SIM1: variants seen among roughly 807,000 people sequenced by gnomAD.
SIM1 encodes the protein single-minded homolog 1.
In SIM1, 18 loss-of-function variants were observed where a neutral mutation model predicts 78.2. The observed-to-expected ratio is 0.23, with a 90% CI of 0.16 to 0.34. SIM1 has a LOEUF of 0.34. Among genes scored for constraint, SIM1 ranks in the 10% least tolerant of loss-of-function variants. The pLI is 1.00. For missense variants in SIM1, 939 were observed against 975.1 expected (o/e 0.96, Z 0.49); for synonymous variants, 417 against 385.2 (o/e 1.08, Z -0.97).
chr6:100,400,795 A>G (rs1291614882), intron 10 of SIM1, among the ~76,000 whole-genome samples: 1 of 152,146 alleles, frequency 6.6e-6, no homozygotes, highest in African/African-American at 2.4e-5. Context: ...CTTACAGTAG[A>G]GTGCCAACTG....
intron 5 of SIM1, 57 bp from the exon 6 acceptor site, chr6:100,449,505 G>C (rs907385269): frequency 6.4e-7 from 1 of 1,572,166 alleles, no homozygotes. Flanking sequence ...GCGTGGGACA[G>C]CACGCGTCTC....
At chr6:100,460,475 T>C (rs184886763) in intron 2 of SIM1, among the ~76,000 whole-genome samples, 1 of 152,370 alleles carries the variant, frequency 6.6e-6, no homozygotes, top group East Asian at 1.9e-4. Context: ...AATAATTATT[T>C]AGATTATATA....
At chr6:100,434,008 G>A (rs1439304910) in intron 9 of SIM1, among the ~76,000 whole-genome samples, 1 of 152,120 alleles carries the variant, frequency 6.6e-6, no homozygotes, top group Non-Finnish European at 1.5e-5. Flanking sequence ...TGATTCTAAT[G>A]ATAGAAATTT....
chr6:100,453,646 G>T, intron 3 of SIM1, 116 bp downstream of exon 3: 1 of 766,852 alleles, frequency 1.3e-6, no homozygotes, highest in Non-Finnish European at 2.1e-6. Flanking sequence ...TGTTTTTGTG[G>T]GGGGGGTTGT....
In SIM1 at chr6:100,390,693, G is replaced by C. The variant is rs750211772; in HGVS notation, c.1969C>G (p.Arg657Gly). The change falls in exon 12 of 12, where the codon CGG (arginine) becomes GGG (glycine). Residue 657 changes from arginine to glycine, a missense_variant. Arg to Gly is a moderately radical substitution (Grantham distance 125). Around this residue, in one of 5 missense-constraint regions of SIM1, gnomAD observed 556 missense variants for 521.9 expected, o/e 1.07. Coordinates refer to ENST00000369208, the MANE Select transcript of SIM1 (RefSeq NM_005068.3). ...CGATCCGAATTGGGACTACTTATCC[G>C]AGATAGTGCGGTGGGACTGTTGTCA... ...DYDNSPTALSRISSPNSDRIS... is the reference protein window; with the variant it reads ...DYDNSPTALSGISSPNSDRIS... The C allele has an allele frequency of 6.2e-7, 1 of 1,613,988 alleles. No individual in the cohort carries two copies. The highest frequency in any genetic ancestry group is 1.3e-5 in the African/African-American group (1 of 74,914).
At chr6:100,427,433 C>T (rs1771764831) in intron 9 of SIM1, among the ~76,000 whole-genome samples, 1 of 152,324 alleles carries the variant, frequency 6.6e-6, no homozygotes, top group African/African-American at 2.4e-5. Flanking sequence ...TTCTTCTCCA[C>T]TTTGAAGGTT....
In SIM1 at chr6:100,385,951, C is replaced by T. The variant is rs1429897235; in HGVS notation, c.*4410G>A. The T allele has an allele frequency of 6.6e-6, 1 of 151,954 alleles. No homozygotes were observed. Among genetic ancestry groups the T allele is most frequent in the Middle Eastern group, 3.2e-3 (1 of 316 alleles). The allele number at this position is 151,954 out of a possible 1,614,324, so 9.4% of individuals were successfully genotyped here. On this transcript the variant is annotated 3_prime_UTR_variant, in exon 12 of 12. Coordinates refer to ENST00000369208, the MANE Select transcript of SIM1 (RefSeq NM_005068.3). Reference sequence around the variant, plus strand: ...TATTTTCTATGTCTGATACCTTTTGCATGTGTCCATAACTGTTGTCATTCA... The same window carrying T: ...TATTTTCTATGTCTGATACCTTTTGTATGTGTCCATAACTGTTGTCATTCA...
At chr6:100,458,794 C>T (rs974479725) in intron 2 of SIM1, among the ~76,000 whole-genome samples, 3 of 152,244 alleles carry the variant, frequency 2.0e-5, no homozygotes, top group African/African-American at 7.2e-5. Flanking sequence ...ACCGCCTATT[C>T]GGTGGGGCTA....
At chr6:100,462,553 AG>A (rs1772882827) in intron 2 of SIM1, 2 of 152,220 alleles carry the variant, frequency 1.3e-5, no homozygotes, top group African/African-American at 4.8e-5. Context: ...AGGCCTTATA[AG>A]ACAATTTTCT....
intron 9 of SIM1, among the ~76,000 whole-genome samples, chr6:100,429,532 T>C (rs1279292936): frequency 6.6e-6 from 1 of 152,182 alleles, no homozygotes; most frequent in African/African-American, 2.4e-5. Flanking sequence ...ATTTTGACCC[T>C]AATGACATAA....
chr6:100,447,988 TGTCGGAGAA>T (rs1247542170), intron 8 of SIM1, among the ~76,000 whole-genome samples, 149 bp downstream of exon 8: 2 of 152,228 alleles, frequency 1.3e-5, no homozygotes, highest in African/African-American at 4.8e-5. Context: ...GTGGGCCCAG[TGTCGGAGAA>T]GTCCCTCAGG....
At chr6:100,428,900 C>G (rs1421633763) in intron 9 of SIM1, among the ~76,000 whole-genome samples, 1 of 152,036 alleles carries the variant, frequency 6.6e-6, no homozygotes, top group Non-Finnish European at 1.5e-5. Flanking sequence ...TGTAAACATG[C>G]TCTTTTTCCC....
At chr6:100,406,116 C>A (rs1771045037) in intron 10 of SIM1, among the ~76,000 whole-genome samples, 1 of 152,124 alleles carries the variant, frequency 6.6e-6, no homozygotes, top group African/African-American at 2.4e-5. Flanking sequence ...TATATCCCAA[C>A]TTGGATAGAT....
Position 100,447,255 on chromosome 6 carries a change from G to A in SIM1, c.998+13C>T. The A allele has an allele frequency of 6.2e-7, 1 of 1,613,898 alleles. No individual in the cohort carries two copies. Among genetic ancestry groups the A allele is most frequent in the East Asian group, 2.2e-5 (1 of 44,874 alleles). Reference sequence around the variant, plus strand: ...GCCTGGGGTGGGTGAAGGGGTCTCAGTCTTGCACTCACGTGAGGACATAGT... The same window carrying A: ...GCCTGGGGTGGGTGAAGGGGTCTCAATCTTGCACTCACGTGAGGACATAGT... On this transcript the variant is annotated intron_variant, in intron 9 of 11. Coordinates refer to ENST00000369208, the MANE Select transcript of SIM1 (RefSeq NM_005068.3).
At chr6:100,396,656 C>T (rs1337163995) in intron 10 of SIM1, among the ~76,000 whole-genome samples, 2 of 152,098 alleles carry the variant, frequency 1.3e-5, no homozygotes, top group Non-Finnish European at 2.9e-5. Flanking sequence ...TCACAGTAAA[C>T]CTTTGTTTTC....
intron 9 of SIM1, among the ~76,000 whole-genome samples, chr6:100,441,932 C>T (rs1390770703): frequency 6.6e-6 from 1 of 152,198 alleles, no homozygotes; most frequent in African/African-American, 2.4e-5. Flanking sequence ...GACATCTTTC[C>T]CACAACCACC....
At chr6:100,415,508 TC>T (rs1419169871) in intron 10 of SIM1, among the ~76,000 whole-genome samples, 1 of 152,220 alleles carries the variant, frequency 6.6e-6, no homozygotes, top group Non-Finnish European at 1.5e-5. Flanking sequence ...TTACAATTTT[TC>T]CAAAACCATT....
chr6:100,408,906 G>A (rs1177808766), intron 10 of SIM1, among the ~76,000 whole-genome samples: 5 of 152,038 alleles, frequency 3.3e-5, no homozygotes, highest in Non-Finnish European at 5.9e-5. Flanking sequence ...TTCAGTATCA[G>A]GGTAATGTTG....
chr6:100,463,516 A>C lies in SIM1; in HGVS notation c.-48T>G. On this transcript the variant is annotated 5_prime_UTR_variant, in exon 2 of 12. The change abolishes an upstream ATG in the 5' untranslated region. Transcript: ENST00000369208. Reference sequence around the variant, plus strand: ...CTCACAACTTAAGCTCCGCAGATTCATCCAAAACCAAAAATAAACTTTCAA... The same window carrying C: ...CTCACAACTTAAGCTCCGCAGATTCCTCCAAAACCAAAAATAAACTTTCAA... The C allele has an allele frequency of 1.3e-6, 2 of 1,516,994 alleles. No individual in the cohort carries two copies. Among genetic ancestry groups the C allele is most frequent in the Non-Finnish European group, 1.8e-6 (2 of 1,119,286 alleles). The allele number at this position is 1,516,994 out of a possible 1,614,324, so 94.0% of individuals were successfully genotyped here.
Sources: gnomAD v4.1 joint callset for allele counts (sites outside exome capture counted in the v4.1 genomes callset) on GRCh38, gnomAD v4.1.1 for gene constraint, gnomAD v4.1.1 regional missense constraint, MANE v1.5 for transcripts, NCBI Gene and HGNC (gene_info 2026-07-23, HGNC 2026-07-21) for gene names.